BMPR1B: variants seen among roughly 807,000 people sequenced by gnomAD.
BMPR1B encodes bone morphogenetic protein receptor type-1B.
Under a neutral mutation model 59.1 loss-of-function variants are expected in BMPR1B, and 12 were observed. The observed-to-expected ratio is 0.20, with a 90% CI of 0.13 to 0.33. BMPR1B has a LOEUF of 0.33. Among genes scored for constraint, BMPR1B ranks in the 10% least tolerant of loss-of-function variants. The pLI, the probability that BMPR1B is intolerant of heterozygous loss-of-function variation, is 1.00. For missense variants in BMPR1B, 550 were observed against 610.9 expected (o/e 0.90, Z 1.05); for synonymous variants, 237 against 207.3 (o/e 1.14, Z -1.23).
chr4:94,927,621 T>C (rs1214469423), intron 2 of BMPR1B, among the ~76,000 whole-genome samples: 7 of 152,068 alleles, frequency 4.6e-5, no homozygotes, highest in Admixed American at 4.6e-4. Context: ...GGAAATGCAG[T>C]TCCAGGATAG....
intron 2 of BMPR1B, among the ~76,000 whole-genome samples, chr4:94,902,174 G>A (rs576948226): frequency 1.5e-5 from 2 of 133,562 alleles, no homozygotes; most frequent in Admixed American, 1.6e-4. Flanking sequence ...AGCAGTTGAA[G>A]TGAATGAATT....
intron 4 of BMPR1B, among the ~76,000 whole-genome samples, chr4:95,108,843 A>G (rs756544694): frequency 1.5e-4 from 23 of 152,096 alleles, no homozygotes; most frequent in Non-Finnish European, 3.2e-4. Context: ...TTTGCGTTGT[A>G]ATCCATCGAG....
chr4:95,114,167 A>G (rs1731835820), intron 4 of BMPR1B, among the ~76,000 whole-genome samples: 1 of 152,134 alleles, frequency 6.6e-6, no homozygotes, highest in South Asian at 2.1e-4. Context: ...ACCTGTCTTT[A>G]GTTTTTGTGC....
At chr4:95,121,341 T>C (rs1732513011) in intron 6 of BMPR1B, among the ~76,000 whole-genome samples, 1 of 152,236 alleles carries the variant, frequency 6.6e-6, no homozygotes, top group Non-Finnish European at 1.5e-5. Context: ...AGTTTATGTG[T>C]TCATGATAAT....
chr4:94,805,439 A>G (rs1304770976), intron 1 of BMPR1B, among the ~76,000 whole-genome samples: 2 of 152,182 alleles, frequency 1.3e-5, no homozygotes, highest in Non-Finnish European at 2.9e-5. Context: ...TAAATATGTG[A>G]AGAAACAGCC....
At chr4:94,991,494 A>G (rs1721757227) in intron 2 of BMPR1B, among the ~76,000 whole-genome samples, 1 of 152,220 alleles carries the variant, frequency 6.6e-6, no homozygotes, top group Admixed American at 6.5e-5. Flanking sequence ...TTTAAATAGT[A>G]TGAGAGTGGT....
chr4:94,889,990 G>A (rs1172454983), intron 2 of BMPR1B, among the ~76,000 whole-genome samples: 1 of 151,986 alleles, frequency 6.6e-6, no homozygotes. Context: ...TGAAGGGAGG[G>A]CATGGCAGGC....
rs963432613 is a variant in BMPR1B, at chr4:94,827,810, A to G, written c.-182-48021A>G. On this transcript the variant is annotated intron_variant, in intron 1 of 12. Coordinates refer to ENST00000515059, the MANE Select transcript of BMPR1B (RefSeq NM_001203.3). The stretch of plus-strand genomic sequence containing the variant: ...GGAGGAGAAAGAGAAAAGTTGTCAG[A>G]TAAAATCAACGGGATGAGTATAAAA... Among the ~76,000 whole-genome samples the G allele has an allele frequency of 3.9e-5, 6 of 152,216 alleles. No individual in the cohort carries two copies. The East Asian group carries it at 1.2e-3, about 29-fold the overall frequency.
chr4:95,053,929 A>T (rs1477212157), intron 3 of BMPR1B, among the ~76,000 whole-genome samples: 1 of 152,176 alleles, frequency 6.6e-6, no homozygotes, highest in African/African-American at 2.4e-5. Flanking sequence ...AACATCTAAC[A>T]TCCTTTACAA....
At chr4:94,804,132 C>G (rs1723516449) in intron 1 of BMPR1B, among the ~76,000 whole-genome samples, 1 of 152,174 alleles carries the variant, frequency 6.6e-6, no homozygotes, top group African/African-American at 2.4e-5. Flanking sequence ...CCTGCCTCGG[C>G]CTCCCAAAGT....
intron 1 of BMPR1B, among the ~76,000 whole-genome samples, chr4:94,825,545 C>A (rs1281643912): frequency 6.6e-6 from 1 of 151,042 alleles, no homozygotes; most frequent in Non-Finnish European, 1.5e-5. Flanking sequence ...ATAGTACCAT[C>A]TTTTTTTTTA....
chr4:95,038,901 A>AT (rs1361819946), intron 3 of BMPR1B, among the ~76,000 whole-genome samples: 1 of 152,154 alleles, frequency 6.6e-6, no homozygotes, highest in Non-Finnish European at 1.5e-5. Context: ...GGCTTTACTC[A>AT]TTTTGGTTAA....
chr4:95,021,178 A>G (rs1342601372), intron 3 of BMPR1B, among the ~76,000 whole-genome samples: 1 of 152,258 alleles, frequency 6.6e-6, no homozygotes, highest in Non-Finnish European at 1.5e-5. Context: ...CTAAAATATA[A>G]TGGGAAATAG....
chr4:95,059,123 TTTAAC>T (rs1727149528), intron 3 of BMPR1B, among the ~76,000 whole-genome samples: 1 of 152,198 alleles, frequency 6.6e-6, no homozygotes, highest in Non-Finnish European at 1.5e-5. Context: ...CTTTTCTGAA[TTTAAC>T]TTAGCCTCTG....
intron 2 of BMPR1B, among the ~76,000 whole-genome samples, chr4:94,894,644 T>C (rs2148993697): frequency 6.6e-6 from 1 of 152,174 alleles, no homozygotes; most frequent in Admixed American, 6.6e-5. Context: ...GTTTAAAAGA[T>C]ATTTGTAAAA....
chr4:95,149,005 A>G, intron 11 of BMPR1B, 82 bp downstream of exon 11: 1 of 1,525,396 alleles, frequency 6.6e-7, no homozygotes, highest in East Asian at 2.3e-5. Flanking sequence ...CAAAGTTATC[A>G]TACTGTCTAT....
intron 2 of BMPR1B, among the ~76,000 whole-genome samples, chr4:94,899,299 A>T (rs958769708): frequency 2.0e-5 from 3 of 151,844 alleles, no homozygotes; most frequent in African/African-American, 7.3e-5. Context: ...TTTTAAAATA[A>T]CATAACACTT....
At chr4:94,877,481 C>G (rs1031728032) in intron 2 of BMPR1B, among the ~76,000 whole-genome samples, 1 of 152,166 alleles carries the variant, frequency 6.6e-6, no homozygotes, top group Admixed American at 6.5e-5. Flanking sequence ...TGAAGTAAAT[C>G]GGAAAGCAGA....
chr4:95,091,811 A>G (rs973706619), intron 3 of BMPR1B, among the ~76,000 whole-genome samples: 4 of 152,128 alleles, frequency 2.6e-5, no homozygotes, highest in East Asian at 1.9e-4. Flanking sequence ...AAAAAATTAC[A>G]TGGCAAGAAA....
Sources: allele counts gnomAD v4.1 joint callset (sites outside exome capture counted in the v4.1 genomes callset), GRCh38; gene constraint gnomAD v4.1.1; transcripts MANE v1.5; gene names NCBI Gene and HGNC (gene_info 2026-07-23, HGNC 2026-07-21).